The following CHCHD3 variants were observed in gnomAD, a reference collection of about 807,000 sequenced individuals.
The protein encoded by CHCHD3 is MICOS complex subunit MIC19.
In CHCHD3, 20 loss-of-function variants were observed where a neutral mutation model predicts 38.2. That is an observed-to-expected ratio of 0.52 (90% CI 0.37 to 0.76). The LOEUF is 0.76. CHCHD3 is among the 30% of genes least tolerant of loss of function. CHCHD3 has a pLI of 0.00. For missense variants in CHCHD3, 245 were observed against 279.2 expected, an observed-to-expected ratio of 0.88 and a Z score of 0.87; for synonymous variants, 82 against 100.0, an observed-to-expected ratio of 0.82 and a Z score of 1.07.
At chr7:133,017,496 T>A (rs1023657376) in intron 3 of CHCHD3, among the ~76,000 whole-genome samples, 2 of 152,186 alleles carry the variant, frequency 1.3e-5, no homozygotes, top group African/African-American at 2.4e-5. Flanking sequence ...TATATAACAC[T>A]GAGAAACCAA....
chr7:133,007,286 A>G (rs1184987977), intron 3 of CHCHD3, among the ~76,000 whole-genome samples: 1 of 152,200 alleles, frequency 6.6e-6, no homozygotes, highest in African/African-American at 2.4e-5. Flanking sequence ...GGGCAGACCT[A>G]GGAGAGACCC....
chr7:132,948,653 T>C (rs1264456562), intron 4 of CHCHD3, among the ~76,000 whole-genome samples: 2 of 152,170 alleles, frequency 1.3e-5, no homozygotes, highest in Non-Finnish European at 2.9e-5. Context: ...ACATGTCTAC[T>C]GAACATACTA....
At chr7:133,034,508 C>G in intron 2 of CHCHD3, 1 of 283,228 alleles carries the variant, frequency 3.5e-6, no homozygotes. Context: ...TGGATCCAGT[C>G]TTTTTTTTTT....
intron 5 of CHCHD3, among the ~76,000 whole-genome samples, chr7:132,847,960 C>T (rs1808122235): frequency 6.6e-6 from 1 of 152,166 alleles, no homozygotes; most frequent in African/African-American, 2.4e-5. Context: ...GGTGGCCTGA[C>T]ACTATTTCCC....
intron 3 of CHCHD3, among the ~76,000 whole-genome samples, chr7:132,992,223 G>A (rs1812301390): frequency 6.6e-6 from 1 of 152,160 alleles, no homozygotes; most frequent in Non-Finnish European, 1.5e-5. Context: ...AGCAGCAGTT[G>A]AGTCTGCACT....
At chr7:132,985,024 G>T (rs1812058783) in intron 3 of CHCHD3, among the ~76,000 whole-genome samples, 1 of 97,504 alleles carries the variant, frequency 1.0e-5, no homozygotes, top group Non-Finnish European at 2.2e-5. Context: ...TGGGAGGGAG[G>T]TGGGGGTCAG....
intron 5 of CHCHD3, among the ~76,000 whole-genome samples, chr7:132,862,064 TGATGGATG>T (rs10666936): frequency 9.3e-4 from 135 of 145,808 alleles, no homozygotes; most frequent in East Asian, 2.0e-3. Flanking sequence ...TAATGTTTGC[TGATGGATG>T]GATGGATGGA....
intron 3 of CHCHD3, among the ~76,000 whole-genome samples, chr7:132,980,481 T>C (rs1171339151): frequency 1.3e-5 from 2 of 152,192 alleles, no homozygotes; most frequent in African/African-American, 4.8e-5. Context: ...TTTAAATACA[T>C]ATCTCTCCTC....
intron 3 of CHCHD3, among the ~76,000 whole-genome samples, chr7:133,003,421 A>G (rs916047574): frequency 6.6e-6 from 1 of 152,202 alleles, no homozygotes; most frequent in African/African-American, 2.4e-5. Flanking sequence ...ATAGACAACT[A>G]GTTTTAAAAG....
At chr7:132,950,326 C>T (rs774290759) in intron 4 of CHCHD3, among the ~76,000 whole-genome samples, 2 of 152,036 alleles carry the variant, frequency 1.3e-5, no homozygotes, top group East Asian at 3.8e-4. Context: ...AGAGTAAATG[C>T]ATTATAAAAA....
At chr7:132,802,293 G>A (rs1806813670) in intron 6 of CHCHD3, among the ~76,000 whole-genome samples, 1 of 152,096 alleles carries the variant, frequency 6.6e-6, no homozygotes, top group African/African-American at 2.4e-5. Context: ...GTGCTCAGGG[G>A]AGAGTAACAC....
chr7:132,881,438 T>C (rs1182929691), intron 5 of CHCHD3, among the ~76,000 whole-genome samples: 1 of 152,186 alleles, frequency 6.6e-6, no homozygotes, highest in East Asian at 1.9e-4. Context: ...AAATGAATAG[T>C]TCAAGTCATC....
chr7:132,833,900 C>T (rs1807710628), intron 6 of CHCHD3, among the ~76,000 whole-genome samples: 1 of 152,170 alleles, frequency 6.6e-6, no homozygotes, highest in South Asian at 2.1e-4. Context: ...GCCCTTGACA[C>T]TGCACTTTAA....
chr7:132,952,059 A>G (rs1811048273), intron 4 of CHCHD3, among the ~76,000 whole-genome samples: 1 of 152,246 alleles, frequency 6.6e-6, no homozygotes, highest in African/African-American at 2.4e-5. Context: ...TTTCACTGTC[A>G]TACAATGTGG....
At chr7:132,887,073 A>G in intron 4 of CHCHD3, 1 of 652,034 alleles carries the variant, frequency 1.5e-6, no homozygotes, top group Non-Finnish European at 2.2e-6. Context: ...ACAAAATCTG[A>G]TGGATAATAT....
At chr7:132,915,034 C>T (rs1352087500) in intron 4 of CHCHD3, among the ~76,000 whole-genome samples, 2 of 151,484 alleles carry the variant, frequency 1.3e-5, no homozygotes, top group East Asian at 3.9e-4. Flanking sequence ...TGGTGGCAGG[C>T]GCCTGTAGTC....
intron 1 of CHCHD3, among the ~76,000 whole-genome samples, chr7:133,075,852 G>A (rs1472080511): frequency 6.6e-6 from 1 of 152,086 alleles, no homozygotes; most frequent in Non-Finnish European, 1.5e-5. Flanking sequence ...GAGGTCAGAA[G>A]ATCAAGGCCA....
intron 4 of CHCHD3, among the ~76,000 whole-genome samples, chr7:132,972,356 T>C (rs1412400254): frequency 6.6e-6 from 1 of 152,226 alleles, no homozygotes; most frequent in Non-Finnish European, 1.5e-5. Flanking sequence ...CTATTATCTA[T>C]GTTTGGAGAA....
At chr7:132,796,987 C>T (rs1490454549) in intron 6 of CHCHD3, among the ~76,000 whole-genome samples, 1 of 152,168 alleles carries the variant, frequency 6.6e-6, no homozygotes, top group East Asian at 1.9e-4. Flanking sequence ...TCCAAGTGAG[C>T]CACATCCTGA....
Sources: allele counts gnomAD v4.1 joint callset (sites outside exome capture counted in the v4.1 genomes callset), GRCh38; gene constraint gnomAD v4.1.1; transcripts MANE v1.5; gene names NCBI Gene and HGNC (gene_info 2026-07-23, HGNC 2026-07-21).